PPP1R15B: variants seen among roughly 807,000 people sequenced by gnomAD.
PPP1R15B encodes protein phosphatase 1 regulatory subunit 15B.
PPP1R15B carries 31 observed loss-of-function variants against 53.9 expected under a neutral mutation model. The observed-to-expected ratio is 0.58, with a 90% CI of 0.43 to 0.78. The LOEUF (loss-of-function observed/expected upper bound fraction) is 0.78. Ranked by LOEUF, PPP1R15B falls within the 30% of genes least tolerant of loss-of-function variation. The pLI, the probability that PPP1R15B is intolerant of heterozygous loss-of-function variation, is 0.00. For missense variants in PPP1R15B, 928 were observed against 849.6 expected (o/e 1.09, Z -1.15); for synonymous variants, 345 against 329.1 (o/e 1.05, Z -0.52).
downstream of PPP1R15B, among the ~76,000 whole-genome samples, chr1:204,398,371 C>T (rs1211992828): frequency 1.3e-5 from 2 of 152,094 alleles, no homozygotes; most frequent in African/African-American, 4.8e-5. Flanking sequence ...GTCCTAGCTA[C>T]TTGGGAGGCT....
rs1674259360 is a variant in PPP1R15B, at chr1:204,406,080, C to T, written c.*12G>A. On this transcript the variant is annotated 3_prime_UTR_variant, in exon 2 of 2. Transcript: ENST00000367188. ...AGGTAGTGTATGCTAGCTAGGACTA[C>T]AGGCTGCCAACTCAACATTGCTTGA... 2 of 1,613,554 alleles carry T rather than the reference C, an allele frequency of 1.2e-6. No homozygotes were observed. The highest frequency in any genetic ancestry group is 1.1e-5 in the South Asian group (1 of 91,078).
chr1:204,403,853 C>T lies in PPP1R15B; in HGVS notation c.*2239G>A. 1 of 985,772 alleles carries T rather than the reference C, an allele frequency of 1.0e-6. No homozygotes were observed. The highest frequency in any genetic ancestry group is 1.2e-6 in the Non-Finnish European group (1 of 829,910). 61.1% of individuals were successfully genotyped at this position (985,772 alleles called of 1,614,324 possible). A position where few individuals can be genotyped will look rare whatever the true frequency, so the allele number is the denominator to read the frequency against. Reference sequence around the variant, plus strand: ...TCCTTTCTGTCCTTCTTATCACCTTCTGATCACTTCTTCCAAGGAGGCTAG... The same window carrying T: ...TCCTTTCTGTCCTTCTTATCACCTTTTGATCACTTCTTCCAAGGAGGCTAG... On this transcript the variant is annotated 3_prime_UTR_variant, in exon 2 of 2. Coordinates refer to ENST00000367188, the MANE Select transcript of PPP1R15B (RefSeq NM_032833.5).
Position 204,411,561 on chromosome 1 carries a change from G to A in PPP1R15B, c.-150C>T, listed in dbSNP as rs1023515175. On this transcript the variant is annotated 5_prime_UTR_variant, in exon 1 of 2. Transcript: ENST00000367188. ...TCTTCGAGCCAGCAGAAAAGCCACA[G>A]AGGGCAGCGAATGCGGCAGCGGGCG... is the stretch of plus-strand genomic sequence containing the variant. 1 of 1,090,502 alleles carries A rather than the reference G, an allele frequency of 9.2e-7. No homozygotes were observed. The highest frequency in any genetic ancestry group is 1.6e-5 in the African/African-American group (1 of 63,344). The allele number at this position is 1,090,502 out of a possible 1,614,324, so 67.6% of individuals were successfully genotyped here. A position where few individuals can be genotyped will look rare whatever the true frequency, so the allele number is the denominator to read the frequency against.
Position 204,410,206 on chromosome 1 carries a change from A to G in PPP1R15B, c.1206T>C (p.Ser402=), listed in dbSNP as rs781577599. 13 of 1,613,974 alleles carry G rather than the reference A, an allele frequency of 8.1e-6. No homozygotes were observed. The highest frequency in any genetic ancestry group is 2.7e-5 in the African/African-American group (2 of 74,908). ...CTTCTAGGTATGAGTAATCAACTACACTTATTCGGCCCTCTCCAGGCTCCT... is the reference window on the plus strand; with the variant it reads ...CTTCTAGGTATGAGTAATCAACTACGCTTATTCGGCCCTCTCCAGGCTCCT... ...MEKEPGEGRI[S]VVDYSYLEGD... is the part of the protein sequence containing the mutation. The change falls in exon 1 of 2, where the codon AGT becomes AGC. Residue 402 remains serine, a synonymous_variant. Transcript: ENST00000367188.
In PPP1R15B at chr1:204,411,706, C is replaced by G. The variant is rs540637528; in HGVS notation, c.-295G>C. Reference sequence around the variant, plus strand: ...TCAACACCATGGATAGGAGTCCCCCCACGGCCTCGGCGATGGTTTTCCGAC... The same window carrying G: ...TCAACACCATGGATAGGAGTCCCCCGACGGCCTCGGCGATGGTTTTCCGAC... On this transcript the variant is annotated 5_prime_UTR_variant, in exon 1 of 2. Transcript: ENST00000367188. 5.4e-4 allele frequency: 262 copies of G among 486,636 alleles called. 1 individual carries two copies. In the East Asian group the frequency reaches 6.6e-3, roughly 12 times the overall value. The allele number at this position is 486,636 out of a possible 1,614,324, so 30.1% of individuals were successfully genotyped here.
downstream of PPP1R15B, among the ~76,000 whole-genome samples, chr1:204,401,946 G>A (rs1674184877): frequency 6.6e-6 from 1 of 152,118 alleles, no homozygotes; most frequent in Admixed American, 6.6e-5. Flanking sequence ...AAGAAATTCT[G>A]AGGTCAGCAA....
At position 204,410,920 on chromosome 1, in the gene PPP1R15B, T is replaced by C. The variant is rs369514146; in HGVS notation, c.492A>G (p.Gly164=). The change falls in exon 1 of 2, where the codon GGA becomes GGG. Residue 164 remains glycine, a synonymous_variant. Coordinates refer to ENST00000367188, the MANE Select transcript of PPP1R15B (RefSeq NM_032833.5). ...CCTGTGCTGCAGGGTCCAAAGCACT[T>C]CCCTTGGCCTTAAGCTCCAATTTTA... is the stretch of plus-strand genomic sequence containing the variant. ...PDLKLELKAK[G]SALDPAAQAF... 2.5e-6 allele frequency: 4 copies of C among 1,613,896 alleles called. No individual in the cohort carries two copies. The African/African-American group carries it at 5.3e-5, about 22-fold the overall frequency.
rs376785542 is a variant in PPP1R15B at position 204,410,850 on chromosome 1, T to A, written c.562A>T (p.Ser188Cys). ...GAGTACAGACGGGATTGAAGGCTAC[T>A]GGGCAACAGCTCCACTCCCCACAGC... ...QQLWGVELLPSSLQSRLYSNR... is the reference protein window; with the variant it reads ...QQLWGVELLPCSLQSRLYSNR... The change falls in exon 1 of 2, where the codon AGT becomes TGT. Residue 188 changes from serine to cysteine, a missense_variant. Ser to Cys is a moderately radical substitution (Grantham distance 112). Coordinates refer to ENST00000367188, the MANE Select transcript of PPP1R15B (RefSeq NM_032833.5). 1.2e-6 allele frequency: 2 copies of A among 1,614,232 alleles called. No homozygotes were observed. The highest frequency in any genetic ancestry group is 8.5e-7 in the Non-Finnish European group (1 of 1,180,040).
At chr1:204,408,106 A>G (rs1674298129) in intron 1 of PPP1R15B, among the ~76,000 whole-genome samples, 2 of 152,346 alleles carry the variant, frequency 1.3e-5, no homozygotes, top group East Asian at 3.9e-4. Context: ...AAATCTTGCA[A>G]TAACTTGTAC....
rs1178145483 is a variant in PPP1R15B at position 204,405,189 on chromosome 1, T to A, written c.*903A>T. The A allele has an allele frequency of 1.0e-6, 1 of 984,956 alleles. No individual in the cohort carries two copies. The highest frequency in any genetic ancestry group is 1.2e-6 in the Non-Finnish European group (1 of 829,216). 61.0% of individuals were successfully genotyped at this position (984,956 alleles called of 1,614,324 possible). A position where few individuals can be genotyped will look rare whatever the true frequency, so the allele number is the denominator to read the frequency against. On this transcript the variant is annotated 3_prime_UTR_variant, in exon 2 of 2. Transcript: ENST00000367188. Reference sequence around the variant, plus strand: ...CAAAACCAAATTGCTCTGAGATGTCTCCTATTTTCTTTCTAGGAAATTTCT... The same window carrying A: ...CAAAACCAAATTGCTCTGAGATGTCACCTATTTTCTTTCTAGGAAATTTCT...
chr1:204,399,784 T>C (rs530627173), downstream of PPP1R15B, among the ~76,000 whole-genome samples: 8 of 152,126 alleles, frequency 5.3e-5, no homozygotes, highest in South Asian at 1.5e-3. Flanking sequence ...GGTTGGGGGA[T>C]AGAGTGATCA....
In PPP1R15B at chr1:204,406,309, G is replaced by T. The variant is rs1572254025; in HGVS notation, c.1925C>A (p.Thr642Asn). 2 of 1,613,620 alleles carry T rather than the reference G, an allele frequency of 1.2e-6. No homozygotes were observed. The highest frequency in any genetic ancestry group is 1.7e-6 in the Non-Finnish European group (2 of 1,179,796). The change falls in exon 2 of 2, where the codon ACC (threonine) becomes AAC (asparagine). Residue 642 changes from threonine to asparagine, a missense_variant. Coordinates refer to ENST00000367188, the MANE Select transcript of PPP1R15B (RefSeq NM_032833.5). Reference protein sequence around the residue: ...RHTHVKRKKVTFLEEVTEYYI... With the variant: ...RHTHVKRKKVNFLEEVTEYYI... ...ATACTCAGTAACTTCTTCAAGGAAG[G>T]TTACCTACAAAAACAAAGACTAATT...
chr1:204,410,624 T>A lies in PPP1R15B; in HGVS notation c.788A>T (p.Asp263Val), dbSNP rs146322981. ...LTPESSCLREDHCHPQPLSAE... is the reference protein window; with the variant it reads ...LTPESSCLREVHCHPQPLSAE... ...ACTCAGCGGCTGGGGATGACAATGG[T>A]CCTCTCTCAGGCAGCTGCTCTCTGG... Residue 263 changes from aspartate (D) to valine (V), a missense_variant, in exon 1 of 2, where the codon GAC becomes GTC. By Grantham distance (152) the Asp-to-Val change is radical. Transcript: ENST00000367188. 2.5e-6 allele frequency: 4 copies of A among 1,613,978 alleles called. No individual in the cohort carries two copies. In the East Asian group the frequency reaches 6.7e-5, roughly 27 times the overall value.
Position 204,404,993 on chromosome 1 carries a change from T to C in PPP1R15B, c.*1099A>G, listed in dbSNP as rs897452374. The C allele has an allele frequency of 4.1e-6, 4 of 985,104 alleles. No individual in the cohort carries two copies. The highest frequency in any genetic ancestry group is 3.6e-6 in the Non-Finnish European group (3 of 829,228). The allele number at this position is 985,104 out of a possible 1,614,324, so 61.0% of individuals were successfully genotyped here. On this transcript the variant is annotated 3_prime_UTR_variant, in exon 2 of 2. Coordinates refer to ENST00000367188, the MANE Select transcript of PPP1R15B (RefSeq NM_032833.5). Reference sequence around the variant, plus strand: ...CATTACTTCTCTCATTATTAAATAGTAGGACACAATAAACCTGGATATTGA... The same window carrying C: ...CATTACTTCTCTCATTATTAAATAGCAGGACACAATAAACCTGGATATTGA...
Position 204,404,992 on chromosome 1 carries a change from G to A in PPP1R15B, c.*1100C>T, listed in dbSNP as rs1168806327. 5.1e-6 allele frequency: 5 copies of A among 984,744 alleles called. No individual in the cohort carries two copies. Among genetic ancestry groups the A allele is most frequent in the Non-Finnish European group, 6.0e-6 (5 of 829,104 alleles). The allele number at this position is 984,744 out of a possible 1,614,324, so 61.0% of individuals were successfully genotyped here. A position where few individuals can be genotyped will look rare whatever the true frequency, so the allele number is the denominator to read the frequency against. On this transcript the variant is annotated 3_prime_UTR_variant, in exon 2 of 2. Coordinates refer to ENST00000367188, the MANE Select transcript of PPP1R15B (RefSeq NM_032833.5). Reference sequence around the variant, plus strand: ...CCATTACTTCTCTCATTATTAAATAGTAGGACACAATAAACCTGGATATTG... The same window carrying A: ...CCATTACTTCTCTCATTATTAAATAATAGGACACAATAAACCTGGATATTG...
Position 204,404,879 on chromosome 1 carries a change from C to T in PPP1R15B, c.*1213G>A. 1 of 985,748 alleles carries T rather than the reference C, an allele frequency of 1.0e-6. No homozygotes were observed. Among genetic ancestry groups the T allele is most frequent in the Non-Finnish European group, 1.2e-6 (1 of 829,872 alleles). 61.1% of individuals were successfully genotyped at this position (985,748 alleles called of 1,614,324 possible). A position where few individuals can be genotyped will look rare whatever the true frequency, so the allele number is the denominator to read the frequency against. On this transcript the variant is annotated 3_prime_UTR_variant, in exon 2 of 2. Transcript: ENST00000367188. Reference sequence around the variant, plus strand: ...ACACAAACAGTCAATGCAAAGACTTCAATTCAAAGTAACCTTTGGGCTAAA... The same window carrying T: ...ACACAAACAGTCAATGCAAAGACTTTAATTCAAAGTAACCTTTGGGCTAAA...
rs765025353 is a variant in PPP1R15B, at chr1:204,410,977, C to G, written c.435G>C (p.Glu145Asp). Residue 145 changes from glutamate to aspartate, a missense_variant, in exon 1 of 2, where the codon GAG becomes GAC. Coordinates refer to ENST00000367188, the MANE Select transcript of PPP1R15B (RefSeq NM_032833.5). Reference protein sequence around the residue: ...SVTSPLDWLEEGIHWQYSPPD... With the variant: ...SVTSPLDWLEDGIHWQYSPPD... ...GGGGCGAGTATTGCCAGTGGATCCC[C>G]TCCTCTAGCCAATCAAGGGGACTGG... is the stretch of plus-strand genomic sequence containing the variant. 4.3e-6 allele frequency: 7 copies of G among 1,614,172 alleles called. No homozygotes were observed. The highest frequency in any genetic ancestry group is 1.7e-5 in the Admixed American group (1 of 60,010).
At chr1:204,401,252 G>C (rs560335009), downstream of PPP1R15B, among the ~76,000 whole-genome samples, 1 of 152,212 alleles carries the variant, frequency 6.6e-6, no homozygotes, top group African/African-American at 2.4e-5. Flanking sequence ...AGTCAGCAGG[G>C]TTAGAAGAGA....
rs1674375708 is a variant in PPP1R15B at position 204,411,371 on chromosome 1, G to A, written c.41C>T (p.Pro14Leu). The A allele has an allele frequency of 6.2e-7, 1 of 1,613,420 alleles. No homozygotes were observed. Among genetic ancestry groups the A allele is most frequent in the Non-Finnish European group, 8.5e-7 (1 of 1,180,010 alleles). The change falls in exon 1 of 2, where the codon CCT becomes CTT. Residue 14 changes from proline (P) to leucine (L), a missense_variant. Pro to Leu is a moderately conservative substitution (Grantham distance 98, BLOSUM62 -3). Transcript: ENST00000367188. Reference sequence around the variant, plus strand: ...TGGCCAGAACCGGAAGCCCGCCCGAGGGCCAAGCCGTTTCCGCGATCCGCC... The same window carrying A: ...TGGCCAGAACCGGAAGCCCGCCCGAAGGCCAAGCCGTTTCCGCGATCCGCC... ...GTGGSRKRLG[P>L]RAGFRFWPPF...
Sources: allele counts gnomAD v4.1 joint callset (sites outside exome capture counted in the v4.1 genomes callset), GRCh38; gene constraint gnomAD v4.1.1; transcripts MANE v1.5; gene names NCBI Gene and HGNC (gene_info 2026-07-23, HGNC 2026-07-21).